SH2D4B: variants seen among roughly 807,000 people sequenced by gnomAD.
SH2D4B encodes SH2 domain containing 4B.
A neutral mutation model predicts 61.5 loss-of-function variants in SH2D4B; 45 were observed. The ratio of observed to expected loss-of-function variants is 0.73; its 90% CI spans 0.58 to 0.94. The LOEUF (loss-of-function observed/expected upper bound fraction) is 0.94. Among genes scored for constraint, SH2D4B ranks in the 40% least tolerant of loss-of-function variants. The pLI, the probability that SH2D4B is intolerant of heterozygous loss-of-function variation, is 0.00. For synonymous variants in SH2D4B, 224 were observed against 220.4 expected (o/e 1.02, Z -0.14); for missense variants, 572 against 574.2 (o/e 1.00, Z 0.04).
At position 80,609,047 on chromosome 10, in the gene SH2D4B, G is replaced by T. The variant is rs1192834491; in HGVS notation, c.861-377G>T. ...ATGCTGGTATTTATGCCCTGGCCGT[G>T]CTCGAGGGAAAATGTGCCTTTTCTT... is the stretch of plus-strand genomic sequence containing the variant. On this transcript the variant is annotated intron_variant, in intron 5 of 7. Coordinates refer to ENST00000646907, the MANE Select transcript of SH2D4B (RefSeq NM_001388272.1). Among the ~76,000 whole-genome samples, 3 of 152,124 alleles carry T rather than the reference G, an allele frequency of 2.0e-5. No individual in the cohort carries two copies. In the East Asian group the frequency reaches 5.8e-4, roughly 29 times the overall value.
intron 6 of SH2D4B, among the ~76,000 whole-genome samples, chr10:80,633,208 C>T (rs1589364819): frequency 1.3e-5 from 2 of 152,102 alleles, no homozygotes; most frequent in East Asian, 3.9e-4. Context: ...AGCCCAGCCA[C>T]TCTGTCCCCA....
At chr10:80,556,282 T>C (rs1358534381) in intron 1 of SH2D4B, among the ~76,000 whole-genome samples, 2 of 152,228 alleles carry the variant, frequency 1.3e-5, no homozygotes, top group Non-Finnish European at 2.9e-5. Context: ...ACTATTTCAT[T>C]GATTGTGTAT....
intron 1 of SH2D4B, among the ~76,000 whole-genome samples, chr10:80,560,926 G>A (rs1841895080): frequency 1.3e-5 from 2 of 151,954 alleles, no homozygotes; most frequent in African/African-American, 4.8e-5. Flanking sequence ...ATCTTTGGTG[G>A]TAGTCATTGT....
At chr10:80,580,486 A>G (rs561402349) in intron 3 of SH2D4B, among the ~76,000 whole-genome samples, 7 of 152,302 alleles carry the variant, frequency 4.6e-5, no homozygotes, top group Non-Finnish European at 5.9e-5. Flanking sequence ...AGGGAGGGGC[A>G]GCATCAGGCT....
At chr10:80,593,007 C>T (rs567532615) in intron 4 of SH2D4B, among the ~76,000 whole-genome samples, 3 of 152,286 alleles carry the variant, frequency 2.0e-5, no homozygotes, top group South Asian at 2.1e-4. Context: ...GCGTCAGCCA[C>T]CATGCCTGGC....
At chr10:80,579,695 C>CA (rs1364126395) in intron 3 of SH2D4B, among the ~76,000 whole-genome samples, 2 of 151,540 alleles carry the variant, frequency 1.3e-5, no homozygotes, top group African/African-American at 4.9e-5. Context: ...CAAGGCCACT[C>CA]CCTTTTTTTT....
At chr10:80,565,212 A>C (rs1196299036) in intron 1 of SH2D4B, among the ~76,000 whole-genome samples, 1 of 152,190 alleles carries the variant, frequency 6.6e-6, no homozygotes, top group African/African-American at 2.4e-5. Context: ...CAAGGACTCA[A>C]ATAGAGAACA....
At chr10:80,567,010 A>G (rs1841978356) in intron 1 of SH2D4B, among the ~76,000 whole-genome samples, 1 of 152,204 alleles carries the variant, frequency 6.6e-6, no homozygotes, top group Non-Finnish European at 1.5e-5. Flanking sequence ...ATTTCAGTAG[A>G]TTAATATGAT....
rs1486419022 is a variant in SH2D4B at position 80,570,379 on chromosome 10, A to C, written c.347+63A>C. On this transcript the variant is annotated intron_variant, in intron 2 of 7. Transcript: ENST00000646907. ...ATGGAAGCTATGCTTAGCCCCACGC[A>C]CGGCTAATTTTTGTATTTTTAGTAG... The C allele has an allele frequency of 3.2e-6, 5 of 1,566,200 alleles. No individual in the cohort carries two copies. The Admixed American group carries it at 9.4e-5, about 29-fold the overall frequency.
chr10:80,572,051 C>T (rs1184905331), intron 3 of SH2D4B, among the ~76,000 whole-genome samples: 2 of 151,824 alleles, frequency 1.3e-5, no homozygotes, highest in Admixed American at 1.3e-4. Flanking sequence ...GGATTACAGG[C>T]GTGAGCCACT....
At chr10:80,576,613 T>C (rs529166457) in intron 3 of SH2D4B, among the ~76,000 whole-genome samples, 1 of 152,360 alleles carries the variant, frequency 6.6e-6, no homozygotes, top group East Asian at 1.9e-4. Context: ...AAACATGATC[T>C]GAAAGGTTTC....
intron 4 of SH2D4B, among the ~76,000 whole-genome samples, 156 bp from the exon 5 acceptor site, chr10:80,603,423 G>A (rs1842474759): frequency 6.6e-6 from 1 of 152,172 alleles, no homozygotes; most frequent in Non-Finnish European, 1.5e-5. Context: ...TGAATCCTGA[G>A]GTTCCTGGAC....
At chr10:80,619,507 C>T (rs1274032073) in intron 6 of SH2D4B, among the ~76,000 whole-genome samples, 1 of 152,206 alleles carries the variant, frequency 6.6e-6, no homozygotes, top group Admixed American at 6.5e-5. Flanking sequence ...CCTGAAGTCT[C>T]CATCAAGGCC....
intron 6 of SH2D4B, among the ~76,000 whole-genome samples, chr10:80,623,803 T>C (rs1010688392): frequency 7.9e-5 from 12 of 152,230 alleles, no homozygotes; most frequent in African/African-American, 2.9e-4. Flanking sequence ...TGTGTGGCTC[T>C]GTTGTATTAT....
At chr10:80,607,347 G>A (rs898815390) in intron 5 of SH2D4B, 1 of 152,270 alleles carries the variant, frequency 6.6e-6, no homozygotes, top group African/African-American at 2.4e-5. Flanking sequence ...ACTGCTTAAT[G>A]AAGAAGAAAG....
At chr10:80,633,104 GA>G (rs1262943955) in intron 6 of SH2D4B, among the ~76,000 whole-genome samples, 2 of 151,898 alleles carry the variant, frequency 1.3e-5, no homozygotes, top group Non-Finnish European at 2.9e-5. Flanking sequence ...AGAGTGATGG[GA>G]GGGGAGCCTG....
At chr10:80,599,782 T>C (rs1437663502) in intron 4 of SH2D4B, among the ~76,000 whole-genome samples, 2 of 152,164 alleles carry the variant, frequency 1.3e-5, no homozygotes, top group Non-Finnish European at 2.9e-5. Context: ...CAAGGGACCA[T>C]GGCTCCAGCA....
At position 80,542,569 on chromosome 10, in the gene SH2D4B, T is replaced by C. The variant is rs190490821; in HGVS notation, c.184+4054T>C. 3.1e-3 allele frequency among the ~76,000 whole-genome samples: 478 copies of C among 152,000 alleles called. 1 individual carries two copies. The highest frequency in any genetic ancestry group is 0.011 in the African/African-American group (463 of 41,422). ...CCCACCACCACAACCAGCTAATTTT[T>C]GTATTTAATAGAGACATGGTTTCAT... On this transcript the variant is annotated intron_variant, in intron 1 of 7. Transcript: ENST00000646907.
intron 3 of SH2D4B, among the ~76,000 whole-genome samples, chr10:80,581,693 G>T (rs1174882616): frequency 6.6e-6 from 1 of 152,222 alleles, no homozygotes; most frequent in Non-Finnish European, 1.5e-5. Flanking sequence ...AGGAAATAGA[G>T]TTCTGTCATT....
Sources: allele counts gnomAD v4.1 joint callset (sites outside exome capture counted in the v4.1 genomes callset), GRCh38; gene constraint gnomAD v4.1.1; transcripts MANE v1.5; gene names NCBI Gene and HGNC (gene_info 2026-07-23, HGNC 2026-07-21).